PRKAR1A: variants seen among roughly 807,000 people sequenced by gnomAD.
PRKAR1A encodes cAMP-dependent protein kinase type I-alpha regulatory subunit.
PRKAR1A carries 3 observed loss-of-function variants against 52.0 expected under a neutral mutation model. That is an observed-to-expected ratio of 0.06 (90% confidence interval 0.03 to 0.15). The LOEUF (loss-of-function observed/expected upper bound fraction) is 0.15, where lower values mean the gene tolerates loss of function less well. Ranked by LOEUF, PRKAR1A falls within the 10% of genes least tolerant of loss-of-function variation. The pLI is 1.00. For missense variants in PRKAR1A, 240 were observed against 477.4 expected, an observed-to-expected ratio of 0.50 and a Z score of 4.63; for synonymous variants, 188 against 168.4, an observed-to-expected ratio of 1.12 and a Z score of -0.90.
At chr17:68,542,284 G>T in intron 11 of PRKAR1A, 1 of 1,077,778 alleles carries the variant, frequency 9.3e-7, no homozygotes, top group Non-Finnish European at 1.4e-6. Flanking sequence ...CTCGGGAAGA[G>T]AAAGAAGAAG....
chr17:68,457,463 A>T, the PRKAR1A span: 1 of 1,417,204 alleles, frequency 7.1e-7, no homozygotes, highest in Non-Finnish European at 9.2e-7. Context: ...AGCCGGCGAC[A>T]GCCACCTCAG....
chr17:68,438,922 G>T, the PRKAR1A span, among the ~76,000 whole-genome samples: 2 of 152,176 alleles, frequency 1.3e-5, no homozygotes, highest in Non-Finnish European at 2.9e-5. Context: ...TTTTAAAAAG[G>T]CTGTGTTAAA....
the PRKAR1A span, among the ~76,000 whole-genome samples, chr17:68,481,144 T>A: frequency 1.3e-5 from 2 of 152,208 alleles, no homozygotes; most frequent in African/African-American, 4.8e-5. Context: ...TGTGGCATGT[T>A]TTTGGCCCTT....
the PRKAR1A span, among the ~76,000 whole-genome samples, chr17:68,431,508 A>G: frequency 6.6e-6 from 1 of 152,128 alleles, no homozygotes; most frequent in Non-Finnish European, 1.5e-5. Context: ...CTGGGACTTC[A>G]TTCCCAAGGT....
the PRKAR1A span, among the ~76,000 whole-genome samples, chr17:68,498,994 T>C: frequency 1.3e-5 from 2 of 152,198 alleles, no homozygotes; most frequent in African/African-American, 4.8e-5. Context: ...GTAACTTCTG[T>C]ATGCCGGAGT....
intron 11 of PRKAR1A, chr17:68,541,740 G>C (rs1289992728): frequency 4.5e-6 from 2 of 449,266 alleles, no homozygotes; most frequent in East Asian, 3.7e-5. Context: ...GAGAGAGTCT[G>C]AGTCTTCCAT....
At chr17:68,504,201 A>G in the PRKAR1A span, among the ~76,000 whole-genome samples, 1 of 152,172 alleles carries the variant, frequency 6.6e-6, no homozygotes, top group Non-Finnish European at 1.5e-5. Flanking sequence ...ATGGTGACTC[A>G]CACCTGTAAT....
the PRKAR1A span, chr17:68,420,281 G>A: frequency 6.2e-7 from 1 of 1,614,148 alleles, no homozygotes; most frequent in Non-Finnish European, 8.5e-7. Flanking sequence ...CGCAGAAGCT[G>A]TGCCCCTAGA....
intron 11 of PRKAR1A, among the ~76,000 whole-genome samples, chr17:68,550,105 ATAAGT>A (rs1455774080): frequency 2.0e-5 from 3 of 152,150 alleles, no homozygotes; most frequent in Non-Finnish European, 4.4e-5. Context: ...GAGTGGGGAA[ATAAGT>A]TAATATTGAT....
At chr17:68,498,304 T>G in the PRKAR1A span, among the ~76,000 whole-genome samples, 1 of 152,234 alleles carries the variant, frequency 6.6e-6, no homozygotes, top group Non-Finnish European at 1.5e-5. Context: ...ATATTTGAGT[T>G]TCTTCTCCTT....
At chr17:68,439,900 T>C in the PRKAR1A span, among the ~76,000 whole-genome samples, 1 of 152,198 alleles carries the variant, frequency 6.6e-6, no homozygotes, top group Admixed American at 6.5e-5. Flanking sequence ...CGTGTCTTTG[T>C]GGCAGAGAGA....
At chr17:68,497,803 CA>C in the PRKAR1A span, among the ~76,000 whole-genome samples, 1 of 152,228 alleles carries the variant, frequency 6.6e-6, no homozygotes, top group South Asian at 2.1e-4. Flanking sequence ...TTGCTCTAAC[CA>C]TTAGGCTATG....
intron 11 of PRKAR1A, chr17:68,540,927 CTG>C (rs749255279): frequency 2.5e-6 from 4 of 1,599,990 alleles, no homozygotes; most frequent in Non-Finnish European, 3.4e-6. Flanking sequence ...ATCTGTTTCA[CTG>C]TGTCACAGTA....
the PRKAR1A span, among the ~76,000 whole-genome samples, chr17:68,415,535 C>A: frequency 2.0e-5 from 3 of 152,152 alleles, no homozygotes; most frequent in Non-Finnish European, 4.4e-5. Context: ...CTGTTAAGTC[C>A]ATTTGTTACA....
At chr17:68,475,425 C>T in the PRKAR1A span, among the ~76,000 whole-genome samples, 10 of 152,184 alleles carry the variant, frequency 6.6e-5, no homozygotes, top group African/African-American at 2.4e-5. Context: ...TCTCTAAGTC[C>T]TGCTGTATAG....
the PRKAR1A span, chr17:68,421,141 C>T: frequency 3.6e-4 from 56 of 154,806 alleles, no homozygotes; most frequent in East Asian, 8.2e-3. Flanking sequence ...TCAGAGCAGA[C>T]GAGTCCATGG....
the PRKAR1A span, among the ~76,000 whole-genome samples, chr17:68,449,941 A>G: frequency 6.6e-6 from 1 of 152,110 alleles, no homozygotes; most frequent in African/African-American, 2.4e-5. Flanking sequence ...AGCCTGGGAG[A>G]TGGAGGCTGC....
In PRKAR1A at chr17:68,531,316, A is replaced by T. The variant is rs2085968517; in HGVS notation, c.*867A>T. 2.8e-6 allele frequency: 3 copies of T among 1,066,090 alleles called. No individual in the cohort carries two copies. Among genetic ancestry groups the T allele is most frequent in the Admixed American group, 5.3e-5 (1 of 18,756 alleles). The allele number at this position is 1,066,090 out of a possible 1,614,324, so 66.0% of individuals were successfully genotyped here. On this transcript the variant is annotated 3_prime_UTR_variant, in exon 11 of 11. Transcript: ENST00000589228. ...TCTACATTCTTGGTTGTTAATTTAG[A>T]GCGTTTGGTTAAAGTATGTCCTTCA...
chr17:68,515,671 G>A lies in PRKAR1A; in HGVS notation c.177+95G>A. The A allele has an allele frequency of 2.9e-6, 4 of 1,383,512 alleles. No individual in the cohort carries two copies. The South Asian group carries it at 5.0e-5, about 17-fold the overall frequency. 85.7% of individuals were successfully genotyped at this position (1,383,512 alleles called of 1,614,324 possible). ...TAATTTGTATTTTTTGGAAGAAAAGGAATCTGACTAAATAAAAAGTCTAAA... is the reference window on the plus strand; with the variant it reads ...TAATTTGTATTTTTTGGAAGAAAAGAAATCTGACTAAATAAAAAGTCTAAA... On this transcript the variant is annotated intron_variant, in intron 2 of 10. Coordinates refer to ENST00000589228, the MANE Select transcript of PRKAR1A (RefSeq NM_002734.5).
Sources: gnomAD v4.1 joint callset for allele counts (sites outside exome capture counted in the v4.1 genomes callset) on GRCh38, gnomAD v4.1.1 for gene constraint, MANE v1.5 for transcripts, NCBI Gene and HGNC (gene_info 2026-07-23, HGNC 2026-07-21) for gene names.